The following C18orf63 variants were observed in gnomAD, a reference collection of about 807,000 sequenced individuals.
The protein encoded by C18orf63 is chromosome 18 open reading frame 63, also known as uncharacterized protein C18orf63.
In C18orf63, 50 loss-of-function variants were observed where a neutral mutation model predicts 75.3. That is an observed-to-expected ratio of 0.66 (90% CI 0.53 to 0.84). C18orf63 has a LOEUF of 0.84. Among genes scored for constraint, C18orf63 ranks in the 40% least tolerant of loss-of-function variants. The pLI, the probability that C18orf63 is intolerant of heterozygous loss-of-function variation, is 0.00. For synonymous variants in C18orf63, 232 were observed against 267.6 expected, an observed-to-expected ratio of 0.87 and a Z score of 1.30; for missense variants, 732 against 800.2, an observed-to-expected ratio of 0.91 and a Z score of 1.03.
At chr18:74,319,317 G>T (rs1339501130) in intron 2 of C18orf63, among the ~76,000 whole-genome samples, 1 of 150,720 alleles carries the variant, frequency 6.6e-6, no homozygotes, top group Non-Finnish European at 1.5e-5. Flanking sequence ...GTCAGGTAAT[G>T]GCAGGCCTTG....
In C18orf63 at chr18:74,327,983, C is replaced by A; in HGVS notation, c.307C>A (p.Gln103Lys). 6.5e-7 allele frequency: 1 copy of A among 1,535,646 alleles called. No homozygotes were observed. The highest frequency in any genetic ancestry group is 1.2e-5 in the South Asian group (1 of 84,034). Residue 103 changes from glutamine (Q) to lysine (K), a missense_variant, in exon 5 of 14, where the codon CAG (glutamine) becomes AAG (lysine). Transcript: ENST00000579455. ...ACAAAGAGTAATTCCTGTAATTCTT[C>A]AGAACTGCCTGTCATATTCATTCAT... ...APQRVIPVIL[Q>K]NCLSYSFMAR...
chr18:74,352,790 A>AT (rs1323353414), intron 11 of C18orf63, among the ~76,000 whole-genome samples: 3 of 152,156 alleles, frequency 2.0e-5, no homozygotes, highest in Non-Finnish European at 2.9e-5. Context: ...ACCTTGTAAT[A>AT]TTTTTTTGTG....
rs1984767928 is a variant in C18orf63 at position 74,356,512 on chromosome 18, C to CTG, written c.*66_*67insGT. 6.6e-6 allele frequency: 1 copy of CTG among 152,604 alleles called. No individual in the cohort carries two copies. The highest frequency in any genetic ancestry group is 2.4e-5 in the African/African-American group (1 of 41,438). 9.5% of individuals were successfully genotyped at this position (152,604 alleles called of 1,614,324 possible). A position where few individuals can be genotyped will look rare whatever the true frequency, so the allele number is the denominator to read the frequency against. ...GCATTCTGAATATAGGATGAACACT[C>CTG]TTCCAGATGCCTCTCACACTCCTGT... On this transcript the variant is annotated 3_prime_UTR_variant, in exon 14 of 14. Coordinates refer to ENST00000579455, the MANE Select transcript of C18orf63 (RefSeq NM_001174123.2).
chr18:74,343,333 G>A (rs1984518977), intron 10 of C18orf63, among the ~76,000 whole-genome samples, 186 bp from the exon 11 acceptor site: 1 of 152,118 alleles, frequency 6.6e-6, no homozygotes, highest in African/African-American at 2.4e-5. Flanking sequence ...TAGAATAGAA[G>A]GAATGAAGAT....
chr18:74,337,287 A>C (rs1984408245), intron 7 of C18orf63, among the ~76,000 whole-genome samples: 1 of 152,146 alleles, frequency 6.6e-6, no homozygotes, highest in African/African-American at 2.4e-5. Context: ...CTCTTGGAGT[A>C]TATGGTGAAC....
intron 2 of C18orf63, 48 bp downstream of exon 2, chr18:74,318,047 A>G (rs1316594945): frequency 1.6e-6 from 2 of 1,261,834 alleles, no homozygotes; most frequent in Non-Finnish European, 2.1e-6. Flanking sequence ...TTTGAGACCT[A>G]TAAAAGCTGT....
In C18orf63 at chr18:74,353,729, A is replaced by G; in HGVS notation, c.1462A>G (p.Lys488Glu). 6.5e-7 allele frequency: 1 copy of G among 1,536,134 alleles called. No homozygotes were observed. The highest frequency in any genetic ancestry group is 8.7e-7 in the Non-Finnish European group (1 of 1,146,898). ...HDKLNLGPAI[K>E]NRYSSNIQMQ... is the part of the protein sequence containing the mutation. ...CAAACTGAATTTAGGTCCAGCTATA[A>G]AAAACCGTTATAGTAGTAACATTCA... is the stretch of plus-strand genomic sequence containing the variant. Residue 488 changes from lysine (K) to glutamate (E), a missense_variant, in exon 12 of 14, where the codon AAA becomes GAA. By Grantham distance (56) the Lys-to-Glu change is moderately conservative. Around this residue, in one of 3 missense-constraint regions of C18orf63, gnomAD observed 495 missense variants for 508.7 expected, o/e 0.97. Coordinates refer to ENST00000579455, the MANE Select transcript of C18orf63 (RefSeq NM_001174123.2).
At position 74,358,563 on chromosome 18, in the gene C18orf63, T is replaced by C. The variant is rs1480244720; in HGVS notation, c.*2116T>C. 5.9e-5 allele frequency: 9 copies of C among 152,142 alleles called. No individual in the cohort carries two copies. The East Asian group carries it at 1.7e-3, about 29-fold the overall frequency. 9.4% of individuals were successfully genotyped at this position (152,142 alleles called of 1,614,324 possible). A position where few individuals can be genotyped will look rare whatever the true frequency, so the allele number is the denominator to read the frequency against. On this transcript the variant is annotated 3_prime_UTR_variant, in exon 14 of 14. Coordinates refer to ENST00000579455, the MANE Select transcript of C18orf63 (RefSeq NM_001174123.2). ...AATCTAATTAGGGAAAGCTACATTT[T>C]ACTTCTTTGTGTAAGTTATTGGTGA...
intron 11 of C18orf63, among the ~76,000 whole-genome samples, chr18:74,350,577 C>T (rs1347273230): frequency 6.6e-6 from 1 of 152,114 alleles, no homozygotes; most frequent in Non-Finnish European, 1.5e-5. Context: ...TCTGAAGGAA[C>T]CAGCCCTGCC....
chr18:74,346,718 A>G (rs1259801635), intron 11 of C18orf63, among the ~76,000 whole-genome samples: 1 of 152,230 alleles, frequency 6.6e-6, no homozygotes, highest in East Asian at 1.9e-4. Context: ...TAATCAGAAC[A>G]ATGCACTTGT....
intron 7 of C18orf63, among the ~76,000 whole-genome samples, chr18:74,334,101 T>G (rs1335782234): frequency 6.6e-6 from 1 of 152,106 alleles, no homozygotes; most frequent in African/African-American, 2.4e-5. Context: ...AAAAGATAAT[T>G]GCATTTAATT....
intron 11 of C18orf63, among the ~76,000 whole-genome samples, chr18:74,349,430 G>A (rs905385362): frequency 6.6e-6 from 1 of 152,112 alleles, no homozygotes; most frequent in African/African-American, 2.4e-5. Context: ...CCCAGGTCAT[G>A]GACCTACCAG....
chr18:74,336,263 C>G (rs565384545), intron 7 of C18orf63, among the ~76,000 whole-genome samples: 16 of 151,816 alleles, frequency 1.1e-4, no homozygotes, highest in African/African-American at 3.9e-4. Flanking sequence ...TTGTATGTCC[C>G]ATAGAGCCTT....
chr18:74,345,435 CCT>C (rs1178606677), intron 11 of C18orf63, among the ~76,000 whole-genome samples: 1 of 151,584 alleles, frequency 6.6e-6, no homozygotes, highest in African/African-American at 2.4e-5. Context: ...CTTTTTGTAC[CCT>C]GTTTAAAAAA....
intron 11 of C18orf63, among the ~76,000 whole-genome samples, chr18:74,352,435 C>A (rs190501605): frequency 1.8e-4 from 27 of 152,208 alleles, no homozygotes; most frequent in African/African-American, 6.5e-4. Context: ...GTGTGTGTAT[C>A]CACAGTTCAT....
At chr18:74,331,733 A>T (rs1361462266) in intron 7 of C18orf63, among the ~76,000 whole-genome samples, 2 of 152,190 alleles carry the variant, frequency 1.3e-5, no homozygotes, top group African/African-American at 2.4e-5. Flanking sequence ...AACCCCAGGC[A>T]TAGAACAAAT....
rs1463234835 is a variant in C18orf63, at chr18:74,317,855, G to T, written c.-11G>T. 1 of 1,519,228 alleles carries T rather than the reference G, an allele frequency of 6.6e-7. No individual in the cohort carries two copies. The highest frequency in any genetic ancestry group is 2.1e-5 in the Admixed American group (1 of 47,854). The allele number at this position is 1,519,228 out of a possible 1,614,324, so 94.1% of individuals were successfully genotyped here. A position where few individuals can be genotyped will look rare whatever the true frequency, so the allele number is the denominator to read the frequency against. On this transcript the variant is annotated 5_prime_UTR_variant, in exon 2 of 14. Coordinates refer to ENST00000579455, the MANE Select transcript of C18orf63 (RefSeq NM_001174123.2). ...AAAGGCCTGATTGCTGAGACACTCA[G>T]TCAGGAAAGTATGAATGATTCTAGG...
chr18:74,345,271 AG>A, intron 11 of C18orf63, among the ~76,000 whole-genome samples: 1 of 151,928 alleles, frequency 6.6e-6, no homozygotes, highest in East Asian at 1.9e-4. Flanking sequence ...AACATAAGCC[AG>A]ATATGAGTTT....
At chr18:74,323,194 T>A (rs958830572) in intron 4 of C18orf63, among the ~76,000 whole-genome samples, 1 of 152,222 alleles carries the variant, frequency 6.6e-6, no homozygotes, top group African/African-American at 2.4e-5. Context: ...CCTCTCTGTG[T>A]CTCAGTAAGT....
Sources: allele counts gnomAD v4.1 joint callset (sites outside exome capture counted in the v4.1 genomes callset), GRCh38; gene constraint gnomAD v4.1.1; regional missense constraint gnomAD v4.1.1; transcripts MANE v1.5; gene names NCBI Gene and HGNC (gene_info 2026-07-23, HGNC 2026-07-21).